The following SPTLC1 variants were observed in gnomAD, a reference collection of about 807,000 sequenced individuals.
SPTLC1 encodes the protein serine palmitoyltransferase 1.
Under a neutral mutation model 68.9 loss-of-function variants are expected in SPTLC1, and 55 were observed. That is an observed-to-expected ratio of 0.80 (90% confidence interval 0.64 to 1.00). The LOEUF is 1.00. SPTLC1 is among the 50% of genes least tolerant of loss of function. The pLI is 0.00. For synonymous variants in SPTLC1, 197 were observed against 201.6 expected (o/e 0.98, Z 0.19); for missense variants, 449 against 573.1 (o/e 0.78, Z 2.21).
At chr9:92,079,626 C>G (rs1834806886) in intron 5 of SPTLC1, 1 of 1,436,282 alleles carries the variant, frequency 7.0e-7, no homozygotes, top group African/African-American at 1.4e-5. Flanking sequence ...GCAATCTGCT[C>G]TCCACTTTCT....
At chr9:92,044,049 T>C (rs10512220) in intron 12 of SPTLC1, among the ~76,000 whole-genome samples, 81,025 of 151,994 alleles carry the variant, frequency 0.53, 24,789 homozygotes, top group African/African-American at 0.85. Flanking sequence ...CTTATGAATG[T>C]GTGTTTACTG....
intron 5 of SPTLC1, chr9:92,078,975 GGATGGAA>G: frequency 1.2e-6 from 1 of 853,670 alleles, no homozygotes; most frequent in Non-Finnish European, 1.4e-6. Flanking sequence ...ATGGAAACAA[GGATGGAA>G]GATGGAAGAT....
At chr9:92,072,407 T>G (rs1834528049) in intron 5 of SPTLC1, among the ~76,000 whole-genome samples, 1 of 152,158 alleles carries the variant, frequency 6.6e-6, no homozygotes, top group Admixed American at 6.5e-5. Context: ...GGGAAGACAG[T>G]CTTCCCTCAG....
chr9:92,071,405 A>G (rs1375084852), intron 5 of SPTLC1, among the ~76,000 whole-genome samples: 4 of 152,152 alleles, frequency 2.6e-5, no homozygotes, highest in African/African-American at 9.7e-5. Context: ...CGTCTCAACC[A>G]CAACAACACA....
intron 9 of SPTLC1, among the ~76,000 whole-genome samples, chr9:92,049,121 G>GTGCTTCC (rs1162007799): frequency 3.3e-5 from 5 of 152,156 alleles, no homozygotes; most frequent in Admixed American, 1.3e-4. Flanking sequence ...CTTGGAGGAG[G>GTGCTTCC]TGCTTCCATC....
chr9:92,066,163 T>G (rs1448077814), intron 6 of SPTLC1, among the ~76,000 whole-genome samples: 1 of 151,992 alleles, frequency 6.6e-6, no homozygotes, highest in Non-Finnish European at 1.5e-5. Context: ...AATTATAAAC[T>G]GTTACAAGCT....
intron 7 of SPTLC1, among the ~76,000 whole-genome samples, chr9:92,057,248 C>T (rs1019928042): frequency 3.3e-5 from 5 of 152,150 alleles, no homozygotes; most frequent in African/African-American, 1.2e-4. Flanking sequence ...CTACTTATTT[C>T]CCTAATGTTG....
chr9:92,070,711 G>C (rs2118617089), intron 5 of SPTLC1, among the ~76,000 whole-genome samples: 1 of 152,176 alleles, frequency 6.6e-6, no homozygotes, highest in East Asian at 1.9e-4. Context: ...CTTCCTCAAG[G>C]GTTAGTAGGA....
intron 3 of SPTLC1, among the ~76,000 whole-genome samples, chr9:92,100,040 C>T (rs1475790911): frequency 1.3e-5 from 2 of 150,152 alleles, no homozygotes; most frequent in South Asian, 2.1e-4. Flanking sequence ...CATTAAGTGA[C>T]GCATGACTGT....
At chr9:92,053,737 T>C (rs1298595578) in intron 8 of SPTLC1, among the ~76,000 whole-genome samples, 2 of 152,072 alleles carry the variant, frequency 1.3e-5, no homozygotes, top group South Asian at 2.1e-4. Context: ...AGAAAGCAGA[T>C]TGGTAGTTGC....
At position 92,047,227 on chromosome 9, in the gene SPTLC1, A is replaced by G; in HGVS notation, c.1026T>C (p.Pro342=). 1 of 1,614,086 alleles carries G rather than the reference A, an allele frequency of 6.2e-7. No homozygotes were observed. Residue 342 remains proline, a synonymous_variant, in exon 11 of 15, where the codon CCT becomes CCC. Coordinates refer to ENST00000262554, the MANE Select transcript of SPTLC1 (RefSeq NM_006415.4). ...CAATTGCTGCAGCAGCTAACAGGGG[A>G]GGTAACGAAGCTGAAAAGCAGTATC... The part of the protein sequence containing the change: ...GQGYCFSASL[P]PLLAAAAIEA...
intron 13 of SPTLC1, among the ~76,000 whole-genome samples, chr9:92,037,066 T>C (rs1833167066): frequency 6.6e-6 from 1 of 152,246 alleles, no homozygotes. Flanking sequence ...ACAAATTTTA[T>C]GAAGTTCTCC....
At chr9:92,072,209 A>G (rs2118628344) in intron 5 of SPTLC1, among the ~76,000 whole-genome samples, 1 of 152,216 alleles carries the variant, frequency 6.6e-6, no homozygotes, top group East Asian at 1.9e-4. Context: ...CTTCCATCAA[A>G]GAGACTTCCC....
At chr9:92,058,424 G>A (rs559471021) in intron 7 of SPTLC1, among the ~76,000 whole-genome samples, 2 of 147,892 alleles carry the variant, frequency 1.4e-5, no homozygotes, top group South Asian at 4.2e-4. Flanking sequence ...TGTCTGAGAT[G>A]AAGACACACA....
chr9:92,083,025 G>A (rs551847617), intron 3 of SPTLC1, among the ~76,000 whole-genome samples: 2 of 152,060 alleles, frequency 1.3e-5, no homozygotes, highest in Non-Finnish European at 2.9e-5. Flanking sequence ...TTTTTTGGCT[G>A]CATACATGTC....
chr9:92,102,969 G>A (rs1835812441), intron 3 of SPTLC1, among the ~76,000 whole-genome samples: 1 of 152,160 alleles, frequency 6.6e-6, no homozygotes, highest in African/African-American at 2.4e-5. Flanking sequence ...ATCATGTGTG[G>A]TGAATAGTTG....
At chr9:92,069,963 A>G (rs993753058) in intron 5 of SPTLC1, among the ~76,000 whole-genome samples, 1 of 152,222 alleles carries the variant, frequency 6.6e-6, no homozygotes, top group African/African-American at 2.4e-5. Context: ...TGAGAATGTA[A>G]AACTGAGTAT....
chr9:92,089,639 A>G (rs1835284951), intron 3 of SPTLC1, among the ~76,000 whole-genome samples: 1 of 152,260 alleles, frequency 6.6e-6, no homozygotes, highest in Non-Finnish European at 1.5e-5. Context: ...TACACTAAAC[A>G]TTAGCTCTAC....
chr9:92,076,945 G>A (rs115026736), intron 5 of SPTLC1: 2,670 of 152,212 alleles, frequency 0.018, 70 homozygotes, highest in African/African-American at 0.06. Flanking sequence ...GTCTGATAAT[G>A]GGCTGGTCTT....
Sources: allele counts gnomAD v4.1 joint callset (sites outside exome capture counted in the v4.1 genomes callset), GRCh38; gene constraint gnomAD v4.1.1; transcripts MANE v1.5; gene names NCBI Gene and HGNC (gene_info 2026-07-23, HGNC 2026-07-21).